CSTPP1: variants seen among roughly 807,000 people sequenced by gnomAD.
The protein encoded by CSTPP1 is centriolar satellite-associated tubulin polyglutamylase complex regulator 1.
chr11:47,074,991 A>C, the CSTPP1 span, among the ~76,000 whole-genome samples: 1 of 152,232 alleles, frequency 6.6e-6, no homozygotes, highest in Non-Finnish European at 1.5e-5. Flanking sequence ...CGTCTGAAAG[A>C]AAATGGACAT....
At chr11:47,061,448 T>C in the CSTPP1 span, among the ~76,000 whole-genome samples, 3 of 152,248 alleles carry the variant, frequency 2.0e-5, no homozygotes, top group Admixed American at 6.5e-5. Flanking sequence ...CTTCTTTTTG[T>C]AATTGCCTTG....
chr11:47,046,669 T>TC, the CSTPP1 span, among the ~76,000 whole-genome samples: 16 of 123,662 alleles, frequency 1.3e-4, no homozygotes, highest in African/African-American at 3.1e-4. Flanking sequence ...TCTTTTTTTT[T>TC]TTTTTTTTTT....
chr11:47,095,553 C>A, the CSTPP1 span, among the ~76,000 whole-genome samples: 1 of 152,108 alleles, frequency 6.6e-6, no homozygotes, highest in Non-Finnish European at 1.5e-5. Flanking sequence ...GAAGGAAAAT[C>A]TCTACCAAAC....
the CSTPP1 span, among the ~76,000 whole-genome samples, chr11:47,127,244 T>C: frequency 6.6e-6 from 1 of 152,350 alleles, no homozygotes; most frequent in African/African-American, 2.4e-5. Context: ...TGGGAATTAA[T>C]ACCATTTTCT....
At chr11:47,158,470 C>T in the CSTPP1 span, among the ~76,000 whole-genome samples, 1 of 152,152 alleles carries the variant, frequency 6.6e-6, no homozygotes, top group African/African-American at 2.4e-5. Flanking sequence ...TGTTCCTCCT[C>T]CCACAGCCAC....
chr11:47,161,154 T>C, the CSTPP1 span: 1 of 1,614,216 alleles, frequency 6.2e-7, no homozygotes, highest in Non-Finnish European at 8.5e-7. Context: ...GGGGATCTGA[T>C]GCACGACCCA....
the CSTPP1 span, among the ~76,000 whole-genome samples, chr11:47,118,106 C>T: frequency 6.6e-6 from 1 of 152,026 alleles, no homozygotes; most frequent in Admixed American, 6.6e-5. Context: ...TCTCAAACCC[C>T]CGACCTCGTG....
At chr11:47,043,051 A>G in the CSTPP1 span, among the ~76,000 whole-genome samples, 1 of 152,202 alleles carries the variant, frequency 6.6e-6, no homozygotes, top group South Asian at 2.1e-4. Context: ...ACAATGCAGT[A>G]AGTGGGACTG....
the CSTPP1 span, among the ~76,000 whole-genome samples, chr11:47,153,407 T>C: frequency 5.9e-5 from 9 of 152,284 alleles, no homozygotes; most frequent in Middle Eastern, 3.4e-3. Context: ...AACATATCAG[T>C]AACAAGAAAG....
At chr11:47,086,901 T>C in the CSTPP1 span, among the ~76,000 whole-genome samples, 3 of 152,180 alleles carry the variant, frequency 2.0e-5, no homozygotes, top group Non-Finnish European at 2.9e-5. Flanking sequence ...GATTATTACA[T>C]TGGTAAGTTG....
chr11:46,985,504 G>A, the CSTPP1 span, among the ~76,000 whole-genome samples: 2 of 152,146 alleles, frequency 1.3e-5, no homozygotes, highest in South Asian at 2.1e-4. Flanking sequence ...TGCTCCAGAT[G>A]AAAGTATTTT....
At chr11:46,981,393 C>T in the CSTPP1 span, among the ~76,000 whole-genome samples, 1 of 152,002 alleles carries the variant, frequency 6.6e-6, no homozygotes, top group Non-Finnish European at 1.5e-5. Context: ...TAGTTGTTAT[C>T]TATGGGAACT....
At chr11:46,967,433 A>G in the CSTPP1 span, among the ~76,000 whole-genome samples, 2 of 152,180 alleles carry the variant, frequency 1.3e-5, no homozygotes, top group Admixed American at 6.6e-5. Context: ...CTTTATGCTA[A>G]TATCACACTG....
At chr11:47,089,977 G>A in the CSTPP1 span, among the ~76,000 whole-genome samples, 9 of 152,054 alleles carry the variant, frequency 5.9e-5, no homozygotes, top group Non-Finnish European at 1.2e-4. Context: ...GGCTTTATAC[G>A]TCTTTTTGTT....
the CSTPP1 span, among the ~76,000 whole-genome samples, chr11:46,968,814 G>C: frequency 6.6e-6 from 1 of 151,602 alleles, no homozygotes; most frequent in African/African-American, 2.4e-5. Flanking sequence ...CAGGAGAATC[G>C]CTTGAACCCG....
the CSTPP1 span, among the ~76,000 whole-genome samples, chr11:47,162,484 A>G: frequency 3.9e-5 from 6 of 152,310 alleles, no homozygotes; most frequent in East Asian, 1.9e-4. Flanking sequence ...CCAGGTTCCC[A>G]TAACTTTAAA....
the CSTPP1 span, among the ~76,000 whole-genome samples, chr11:46,981,389 T>C: frequency 2.0e-5 from 3 of 152,152 alleles, no homozygotes; most frequent in Non-Finnish European, 4.4e-5. Context: ...ATAATAGTTG[T>C]TATCTATGGG....
chr11:47,161,967 G>T, the CSTPP1 span: 1 of 1,063,634 alleles, frequency 9.4e-7, no homozygotes. Context: ...CAGCCTCTGC[G>T]GGTCCCCCAA....
At chr11:46,978,740 T>C in the CSTPP1 span, among the ~76,000 whole-genome samples, 1 of 152,224 alleles carries the variant, frequency 6.6e-6, no homozygotes, top group African/African-American at 2.4e-5. Context: ...AGATAGTTCT[T>C]AGTGGGGATT....
Sources: allele counts gnomAD v4.1 joint callset (sites outside exome capture counted in the v4.1 genomes callset), GRCh38; gene constraint gnomAD v4.1.1; transcripts MANE v1.5; gene names NCBI Gene and HGNC (gene_info 2026-07-23, HGNC 2026-07-21).